Variants in DISC1 observed in about 807,000 individuals in gnomAD.
The protein encoded by DISC1 is DISC1 scaffold protein.
In DISC1, 57 loss-of-function variants were observed where a neutral mutation model predicts 84.5. The observed-to-expected ratio is 0.67, with a 90% CI of 0.55 to 0.84. The LOEUF is 0.84. Among genes scored for constraint, DISC1 ranks in the 40% least tolerant of loss-of-function variants. DISC1 has a pLI of 0.00. For missense variants in DISC1, 1,000 were observed against 1,057.8 expected, an observed-to-expected ratio of 0.95 and a Z score of 0.76; for synonymous variants, 411 against 415.2, an observed-to-expected ratio of 0.99 and a Z score of 0.12.
At chr1:231,731,573 C>T (rs553568232) in intron 3 of DISC1, among the ~76,000 whole-genome samples, 3 of 152,226 alleles carry the variant, frequency 2.0e-5, no homozygotes, top group Admixed American at 2.0e-4. Context: ...TGAGCCCCAC[C>T]TCCTACCTCT....
intron 9 of DISC1, among the ~76,000 whole-genome samples, chr1:231,903,024 C>T (rs2088312204): frequency 6.6e-6 from 1 of 151,582 alleles, no homozygotes; most frequent in Non-Finnish European, 1.5e-5. Context: ...CTTCTCCTCT[C>T]TCTTCCTCCT....
chr1:231,934,894 G>A (rs922300904), intron 9 of DISC1, among the ~76,000 whole-genome samples: 1 of 152,178 alleles, frequency 6.6e-6, no homozygotes, highest in Non-Finnish European at 1.5e-5. Context: ...AGTTGATTTA[G>A]AGAGCGGTTT....
chr1:231,736,985 A>C lies in DISC1; in HGVS notation c.1118-12941A>C, dbSNP rs12118639. ...TGCTTATTTGATTATTTATTCATAG[A>C]TATAGAAAGCACTTTTCTTTCATTC... On this transcript the variant is annotated intron_variant, in intron 3 of 12. Transcript: ENST00000439617. 6.1e-3 allele frequency among the ~76,000 whole-genome samples: 924 copies of C among 152,340 alleles called. 7 individuals are homozygous for C. The highest frequency in any genetic ancestry group is 0.02 in the South Asian group (98 of 4,828).
At chr1:231,859,433 A>G (rs1007871760) in intron 9 of DISC1, among the ~76,000 whole-genome samples, 2 of 152,288 alleles carry the variant, frequency 1.3e-5, no homozygotes, top group South Asian at 2.1e-4. Context: ...TGCCTTTTCA[A>G]TATGTCCTCC....
At chr1:231,875,087 C>T (rs980353551) in intron 9 of DISC1, among the ~76,000 whole-genome samples, 1 of 152,178 alleles carries the variant, frequency 6.6e-6, no homozygotes, top group Non-Finnish European at 1.5e-5. Flanking sequence ...GCTGTCCTCT[C>T]ACTTGTCCAA....
chr1:231,991,847 C>G (rs953924705), intron 10 of DISC1, among the ~76,000 whole-genome samples: 2 of 152,126 alleles, frequency 1.3e-5, no homozygotes, highest in Non-Finnish European at 2.9e-5. Flanking sequence ...AAATATCTCC[C>G]TCATGTATGG....
chr1:231,859,015 TG>T (rs1467203871), intron 9 of DISC1, among the ~76,000 whole-genome samples: 7 of 152,236 alleles, frequency 4.6e-5, no homozygotes, highest in Non-Finnish European at 7.3e-5. Context: ...CAGCTGGCTC[TG>T]GGGAATGGTG....
intron 1 of DISC1, among the ~76,000 whole-genome samples, chr1:231,627,971 T>C (rs770039577): frequency 1.3e-5 from 2 of 152,176 alleles, no homozygotes; most frequent in Non-Finnish European, 2.9e-5. Flanking sequence ...ACCTGCTTCA[T>C]AGGGTTGTTA....
At chr1:231,714,539 T>C (rs1340424000) in intron 3 of DISC1, among the ~76,000 whole-genome samples, 2 of 151,796 alleles carry the variant, frequency 1.3e-5, no homozygotes, top group Admixed American at 6.6e-5. Context: ...CTCACAGATA[T>C]GTATGAAACA....
intron 9 of DISC1, among the ~76,000 whole-genome samples, chr1:231,845,390 G>A (rs2083378736): frequency 6.6e-6 from 1 of 152,204 alleles, no homozygotes; most frequent in Non-Finnish European, 1.5e-5. Flanking sequence ...GTGAATGGGA[G>A]GAAGGCCGGC....
At chr1:232,022,671 A>C (rs1212331615) in intron 11 of DISC1, among the ~76,000 whole-genome samples, 1 of 152,128 alleles carries the variant, frequency 6.6e-6, no homozygotes, top group East Asian at 1.9e-4. Context: ...ACAGAACAGA[A>C]TTTTTTACCA....
Position 231,826,153 on chromosome 1 carries a change from A to C in DISC1, c.1981+7636A>C, listed in dbSNP as rs191668023. Among the ~76,000 whole-genome samples the C allele has an allele frequency of 6.6e-6, 1 of 152,294 alleles. No homozygotes were observed. The highest frequency in any genetic ancestry group is 1.5e-5 in the Non-Finnish European group (1 of 68,022). ...TCTGGACCACTGTGGTACTGGCTCC[A>C]CTGGAATCTCTGTTTTACCGATGAA... is the stretch of plus-strand genomic sequence containing the variant. On this transcript the variant is annotated intron_variant, in intron 9 of 12. Coordinates refer to ENST00000439617, the MANE Select transcript of DISC1 (RefSeq NM_018662.3). The surrounding 1 kb of genome is among the most constrained non-coding windows in gnomAD (Gnocchi z 4.2).
chr1:231,661,461 T>C (rs2061557398), intron 1 of DISC1, among the ~76,000 whole-genome samples: 1 of 152,196 alleles, frequency 6.6e-6, no homozygotes, highest in Admixed American at 6.5e-5. Context: ...TTTTTCTCTA[T>C]TCTTGTCTGC....
At chr1:231,692,126 T>C (rs1264433719) in intron 1 of DISC1, among the ~76,000 whole-genome samples, 2 of 152,226 alleles carry the variant, frequency 1.3e-5, no homozygotes, top group Non-Finnish European at 2.9e-5. Context: ...CCGGGAGTTC[T>C]GGGGCAAAGT....
chr1:231,821,823 C>T (rs1046003146), intron 9 of DISC1, among the ~76,000 whole-genome samples: 6 of 151,202 alleles, frequency 4.0e-5, no homozygotes, highest in Admixed American at 2.6e-4. Flanking sequence ...AAGCGATTCT[C>T]CTGCCTCAGC....
At chr1:231,657,530 G>C (rs2061207874) in intron 1 of DISC1, among the ~76,000 whole-genome samples, 1 of 152,156 alleles carries the variant, frequency 6.6e-6, no homozygotes, top group African/African-American at 2.4e-5. Context: ...AGTTGCTTTG[G>C]TGTTTTCATC....
intron 9 of DISC1, among the ~76,000 whole-genome samples, chr1:231,907,248 T>C (rs1270216522): frequency 1.3e-5 from 2 of 151,826 alleles, no homozygotes; most frequent in East Asian, 3.9e-4. Flanking sequence ...ACATGTGCCA[T>C]GTTGGTGTGC....
At chr1:231,755,970 G>A (rs1386934003) in intron 4 of DISC1, among the ~76,000 whole-genome samples, 1 of 152,186 alleles carries the variant, frequency 6.6e-6, no homozygotes, top group Non-Finnish European at 1.5e-5. Flanking sequence ...GAAGTATTAT[G>A]TTATGCTCAA....
chr1:231,975,423 A>C (rs1007309572), intron 10 of DISC1, among the ~76,000 whole-genome samples: 3 of 152,212 alleles, frequency 2.0e-5, no homozygotes, highest in Admixed American at 6.5e-5. Context: ...GGGATTTCTC[A>C]AAGAACTAAA....
Sources: allele counts gnomAD v4.1 joint callset (sites outside exome capture counted in the v4.1 genomes callset), GRCh38; gene constraint gnomAD v4.1.1; non-coding constraint Gnocchi (gnomAD v3.1); transcripts MANE v1.5; gene names NCBI Gene and HGNC (gene_info 2026-07-23, HGNC 2026-07-21).